SUGCT: variants seen among roughly 807,000 people sequenced by gnomAD.
SUGCT encodes succinyl-CoA:glutarate CoA-transferase.
SUGCT carries 41 observed loss-of-function variants against 55.0 expected under a neutral mutation model. That is an observed-to-expected ratio of 0.74 (90% CI 0.58 to 0.97). SUGCT has a LOEUF of 0.97. SUGCT is among the 50% of genes least tolerant of loss of function. SUGCT has a pLI of 0.00. For synonymous variants in SUGCT, 187 were observed against 200.4 expected (o/e 0.93, Z 0.56); for missense variants, 568 against 547.8 (o/e 1.04, Z -0.37).
chr7:40,503,195 G>T (rs2151534219), intron 12 of SUGCT, among the ~76,000 whole-genome samples: 1 of 152,114 alleles, frequency 6.6e-6, no homozygotes, highest in African/African-American at 2.4e-5. Context: ...AGACATAAAA[G>T]GTTTGAATAT....
At chr7:40,598,366 C>T (rs1427341520) in intron 12 of SUGCT, among the ~76,000 whole-genome samples, 7 of 152,182 alleles carry the variant, frequency 4.6e-5, no homozygotes, top group Non-Finnish European at 5.9e-5. Context: ...ACGAAATCAA[C>T]GTCTTGAACC....
intron 9 of SUGCT, among the ~76,000 whole-genome samples, chr7:40,324,785 A>G (rs1053859504): frequency 6.6e-6 from 1 of 152,188 alleles, no homozygotes; most frequent in African/African-American, 2.4e-5. Flanking sequence ...AGCTAGGGGT[A>G]GTTGACTTTC....
intron 6 of SUGCT, among the ~76,000 whole-genome samples, chr7:40,222,993 C>T (rs6462964): frequency 0.36 from 26,287 of 72,544 alleles, 2,610 homozygotes; most frequent in Middle Eastern, 0.49. Flanking sequence ...TTCTTTCCTT[C>T]CTTCCTTCCT....
At chr7:40,200,564 C>T (rs1045882870) in intron 6 of SUGCT, among the ~76,000 whole-genome samples, 6 of 152,010 alleles carry the variant, frequency 3.9e-5, no homozygotes, top group South Asian at 2.1e-4. Context: ...AAGATCTAGA[C>T]GCCTTTAAGG....
intron 12 of SUGCT, among the ~76,000 whole-genome samples, chr7:40,543,691 A>G (rs1279333109): frequency 2.0e-5 from 3 of 152,250 alleles, no homozygotes; most frequent in Non-Finnish European, 4.4e-5. Context: ...TTTTAGGTTT[A>G]TGTCAGAAAA....
At chr7:40,951,001 T>A in the SUGCT span, among the ~76,000 whole-genome samples, 1 of 152,200 alleles carries the variant, frequency 6.6e-6, no homozygotes, top group Admixed American at 6.5e-5. Context: ...ATTCCCTCTT[T>A]TCCTACTGAT....
At chr7:40,813,599 T>C (rs1006358567) in intron 13 of SUGCT, among the ~76,000 whole-genome samples, 6 of 152,180 alleles carry the variant, frequency 3.9e-5, no homozygotes, top group African/African-American at 1.4e-4. Context: ...TTTGAGCCTA[T>C]GGGTGTGTAA....
chr7:40,308,126 A>T (rs1794937370), intron 8 of SUGCT, among the ~76,000 whole-genome samples: 1 of 152,226 alleles, frequency 6.6e-6, no homozygotes, highest in South Asian at 2.1e-4. Context: ...GGGATAGTAG[A>T]GGACTTCTAG....
chr7:40,686,727 G>T (rs1784485176), intron 12 of SUGCT, among the ~76,000 whole-genome samples: 1 of 152,172 alleles, frequency 6.6e-6, no homozygotes, highest in African/African-American at 2.4e-5. Context: ...GATTGTCTTT[G>T]TTCTAGGAGC....
chr7:40,162,275 G>A (rs776008186), intron 1 of SUGCT, among the ~76,000 whole-genome samples: 6 of 152,078 alleles, frequency 3.9e-5, no homozygotes, highest in East Asian at 3.9e-4. Context: ...AGTTGTCATC[G>A]CTTATGTAAA....
chr7:40,970,308 A>T, the SUGCT span, among the ~76,000 whole-genome samples: 1 of 152,038 alleles, frequency 6.6e-6, no homozygotes, highest in Non-Finnish European at 1.5e-5. Flanking sequence ...AGTAGGTGGG[A>T]TTACAGGCAC....
intron 9 of SUGCT, among the ~76,000 whole-genome samples, chr7:40,356,614 A>G (rs1289538849): frequency 6.6e-6 from 1 of 152,190 alleles, no homozygotes; most frequent in Non-Finnish European, 1.5e-5. Context: ...ATAGGCTCTG[A>G]ACACCTTCCT....
the SUGCT span, among the ~76,000 whole-genome samples, chr7:40,899,893 C>T: frequency 6.6e-6 from 1 of 152,192 alleles, no homozygotes; most frequent in African/African-American, 2.4e-5. Flanking sequence ...CAGCACTCTG[C>T]TCCAGAGTAT....
the SUGCT span, among the ~76,000 whole-genome samples, chr7:40,931,943 A>C: frequency 6.6e-6 from 1 of 151,916 alleles, no homozygotes; most frequent in Non-Finnish European, 1.5e-5. Context: ...TTCTGATCTT[A>C]GTTGTTTCTT....
intron 8 of SUGCT, among the ~76,000 whole-genome samples, chr7:40,309,907 A>C (rs79970951): frequency 2.9e-5 from 4 of 139,478 alleles, no homozygotes; most frequent in East Asian, 2.1e-4. Flanking sequence ...AAAAAAAAAA[A>C]CACATGACCA....
chr7:40,263,435 A>G (rs564300281), intron 7 of SUGCT, among the ~76,000 whole-genome samples: 2 of 152,326 alleles, frequency 1.3e-5, no homozygotes, highest in Admixed American at 6.5e-5. Context: ...GCCCTGAGGA[A>G]GGCATTTGAA....
chr7:40,528,120 T>A (rs1351485679), intron 12 of SUGCT, among the ~76,000 whole-genome samples: 1 of 152,176 alleles, frequency 6.6e-6, no homozygotes, highest in Admixed American at 6.5e-5. Flanking sequence ...ATGAAGATAA[T>A]AAGTATACTT....
At chr7:40,691,506 A>T (rs1363155000) in intron 12 of SUGCT, among the ~76,000 whole-genome samples, 1 of 152,204 alleles carries the variant, frequency 6.6e-6, no homozygotes, top group Non-Finnish European at 1.5e-5. Flanking sequence ...GGAATCAGAT[A>T]TAAACTTTTG....
chr7:40,207,685 C>T (rs376115574), intron 6 of SUGCT, among the ~76,000 whole-genome samples: 8 of 151,906 alleles, frequency 5.3e-5, no homozygotes, highest in Non-Finnish European at 7.4e-5. Flanking sequence ...GGCGTGGTGG[C>T]GGGCACCTGT....
Sources: gnomAD v4.1 joint callset for allele counts (sites outside exome capture counted in the v4.1 genomes callset) on GRCh38, gnomAD v4.1.1 for gene constraint, MANE v1.5 for transcripts, NCBI Gene and HGNC (gene_info 2026-07-23, HGNC 2026-07-21) for gene names.